OXCT1: variants seen among roughly 807,000 people sequenced by gnomAD.
OXCT1 encodes succinyl-CoA:3-ketoacid coenzyme A transferase 1, mitochondrial.
Under a neutral mutation model 69.6 loss-of-function variants are expected in OXCT1, and 27 were observed. The ratio of observed to expected loss-of-function variants is 0.39; its 90% confidence interval spans 0.29 to 0.54. The LOEUF (loss-of-function observed/expected upper bound fraction) is 0.54, where lower values mean the gene tolerates loss of function less well. Among genes scored for constraint, OXCT1 ranks in the 20% least tolerant of loss-of-function variants. The pLI is 0.72. For synonymous variants in OXCT1, 202 were observed against 217.8 expected (o/e 0.93, Z 0.64); for missense variants, 437 against 650.2 (o/e 0.67, Z 3.57).
chr5:41,860,210 C>T (rs979319377), intron 3 of OXCT1, among the ~76,000 whole-genome samples: 1 of 151,868 alleles, frequency 6.6e-6, no homozygotes, highest in African/African-American at 2.4e-5. Flanking sequence ...TTCTACAATC[C>T]CATTCCCCTC....
chr5:41,746,388 A>C (rs1438258895), intron 15 of OXCT1, among the ~76,000 whole-genome samples: 6 of 151,970 alleles, frequency 3.9e-5, no homozygotes, highest in South Asian at 2.1e-4. Context: ...ACTGAATGGA[A>C]TTTTCTCTGG....
At chr5:41,815,939 T>C (rs1579798385) in intron 7 of OXCT1, among the ~76,000 whole-genome samples, 1 of 152,074 alleles carries the variant, frequency 6.6e-6, no homozygotes, top group Non-Finnish European at 1.5e-5. Flanking sequence ...CTAAGACTAT[T>C]TGAGGCTGTT....
rs758756744 is a variant in OXCT1, at chr5:41,840,553, G to A, written c.672-42C>T. 52 of 1,252,268 alleles carry A rather than the reference G, an allele frequency of 4.2e-5. 1 individual carries two copies. Among genetic ancestry groups the A allele is most frequent in the South Asian group, 3.8e-4 (31 of 81,296 alleles). The allele number at this position is 1,252,268 out of a possible 1,614,324, so 77.6% of individuals were successfully genotyped here. ...GATAAGAAAGTGGGGGGGAAAAGAC[G>A]AAAAATAAGCATCTCTGTCACCTTT... On this transcript the variant is annotated intron_variant, in intron 6 of 16. Coordinates refer to ENST00000196371, the MANE Select transcript of OXCT1 (RefSeq NM_000436.4).
At chr5:41,756,069 T>C (rs1203288173) in intron 14 of OXCT1, among the ~76,000 whole-genome samples, 1 of 152,026 alleles carries the variant, frequency 6.6e-6, no homozygotes, top group Admixed American at 6.6e-5. Context: ...AAACACAAGG[T>C]TTATTCTTTC....
intron 12 of OXCT1, chr5:41,794,449 G>A: frequency 1.6e-6 from 1 of 606,434 alleles, no homozygotes; most frequent in Non-Finnish European, 2.9e-6. Context: ...CAGTATGGTT[G>A]GCACAAAGGC....
intron 3 of OXCT1, among the ~76,000 whole-genome samples, chr5:41,858,549 G>C (rs1166326344): frequency 6.6e-6 from 1 of 152,042 alleles, no homozygotes; most frequent in African/African-American, 2.4e-5. Flanking sequence ...AACAAACCTG[G>C]GTTTCAAACA....
rs773479814 is a variant in OXCT1 at position 41,870,261 on chromosome 5, C to A, written c.78+20G>T. On this transcript the variant is annotated intron_variant, in intron 1 of 16. Coordinates refer to ENST00000196371, the MANE Select transcript of OXCT1 (RefSeq NM_000436.4). This position sits in a 1 kb window ranked among gnomAD's most constrained non-coding sequence, Gnocchi z 4.2. ...CCACGTTCTTCCTGCCCATGGCCTT[C>A]CTCTTCCCCCGCACTTTACCTTGTA... is the stretch of plus-strand genomic sequence containing the variant. The A allele has an allele frequency of 6.2e-7, 1 of 1,604,586 alleles. No homozygotes were observed. The highest frequency in any genetic ancestry group is 1.1e-5 in the South Asian group (1 of 90,802).
intron 14 of OXCT1, among the ~76,000 whole-genome samples, chr5:41,758,247 T>G (rs935829757): frequency 6.6e-6 from 1 of 152,022 alleles, no homozygotes; most frequent in South Asian, 2.1e-4. Context: ...TTGGGCCAAA[T>G]AAGCAGAACA....
chr5:41,746,607 C>T (rs1743506362), intron 15 of OXCT1, among the ~76,000 whole-genome samples: 1 of 152,034 alleles, frequency 6.6e-6, no homozygotes, highest in Admixed American at 6.6e-5. Context: ...TCTTGCTATA[C>T]ATCTATAATT....
At position 41,793,850 on chromosome 5, in the gene OXCT1, A is replaced by G. The variant is rs112202156; in HGVS notation, c.1248+153T>C. On this transcript the variant is annotated intron_variant, in intron 13 of 16. Transcript: ENST00000196371. ...AAATTGGCAAAGCTGAATACTTCTC[A>G]GTGCTTACTTAATTAAAATTTGATT... Among the ~76,000 whole-genome samples, 754 of 152,290 alleles carry G rather than the reference A, an allele frequency of 5.0e-3. 8 individuals carry two copies. The highest frequency in any genetic ancestry group is 0.017 in the African/African-American group (706 of 41,558).
In OXCT1 at chr5:41,806,557, CAGG is replaced by C. The variant is rs548813568; in HGVS notation, c.840+771_840+773del. ...GGCTTAGTGCCATCCCTTGGAAATG[CAGG>C]AGTTCTCCCTCTGTTCGTTTACACA... On this transcript the variant is annotated intron_variant, in intron 8 of 16. Coordinates refer to ENST00000196371, the MANE Select transcript of OXCT1 (RefSeq NM_000436.4). Among the ~76,000 whole-genome samples, 783 of 152,186 alleles carry C rather than the reference CAGG, an allele frequency of 5.1e-3. 1 individual carries two copies. The highest frequency in any genetic ancestry group is 8.4e-3 in the Admixed American group (129 of 15,282).
At chr5:41,743,308 C>T (rs1249710240) in intron 15 of OXCT1, among the ~76,000 whole-genome samples, 1 of 152,072 alleles carries the variant, frequency 6.6e-6, no homozygotes, top group Non-Finnish European at 1.5e-5. Context: ...TATCCTTTAC[C>T]CACTTTTTGA....
At chr5:41,761,661 T>A (rs189319069) in intron 14 of OXCT1, among the ~76,000 whole-genome samples, 1 of 152,232 alleles carries the variant, frequency 6.6e-6, no homozygotes, top group Admixed American at 6.5e-5. Flanking sequence ...ATACGGCACC[T>A]CACAGCTTTG....
In OXCT1 at chr5:41,807,450, G is replaced by T; in HGVS notation, c.733-12C>A. The T allele has an allele frequency of 6.7e-7, 1 of 1,491,914 alleles. No individual in the cohort carries two copies. Among genetic ancestry groups the T allele is most frequent in the Non-Finnish European group, 9.3e-7 (1 of 1,070,448 alleles). The allele number at this position is 1,491,914 out of a possible 1,614,324, so 92.4% of individuals were successfully genotyped here. On this transcript the variant is annotated splice_polypyrimidine_tract_variant and intron_variant, in intron 7 of 16. Coordinates refer to ENST00000196371, the MANE Select transcript of OXCT1 (RefSeq NM_000436.4). ...ACAATTTCTTCAACCTAGACAAAGA[G>T]AAATTTCTTTCAAAGTTAGTGAAAG...
At position 41,794,753 on chromosome 5, in the gene OXCT1, A is replaced by AAC. The variant is rs765464027; in HGVS notation, c.1100-6_1100-5dup. On this transcript the variant is annotated splice_region_variant and splice_polypyrimidine_tract_variant and intron_variant, in intron 11 of 16. Transcript: ENST00000196371. ...AGAATAGTAACTGTTTCCTTGCCTA[A>AAC]ACACACACACACACAAAAGAAAGAA... 5.3e-5 allele frequency: 85 copies of AAC among 1,603,556 alleles called. No homozygotes were observed. The highest frequency in any genetic ancestry group is 6.2e-5 in the Non-Finnish European group (73 of 1,172,672).
At chr5:41,742,787 A>G (rs1013304536) in intron 15 of OXCT1, among the ~76,000 whole-genome samples, 3 of 152,110 alleles carry the variant, frequency 2.0e-5, no homozygotes, top group African/African-American at 7.2e-5. Context: ...CTTCATCCAT[A>G]TCCCTACAAA....
chr5:41,803,187 C>A, intron 9 of OXCT1, 24 bp from the exon 10 acceptor site: 1 of 1,469,044 alleles, frequency 6.8e-7, no homozygotes, highest in South Asian at 1.1e-5. Context: ...ATGTTAAGGT[C>A]CAGCATATAA....
rs1469417142 is a variant in OXCT1, at chr5:41,794,758, A to G, written c.1100-9T>C. 2.5e-6 allele frequency: 4 copies of G among 1,612,552 alleles called. No homozygotes were observed. Among genetic ancestry groups the G allele is most frequent in the Non-Finnish European group, 3.4e-6 (4 of 1,179,550 alleles). On this transcript the variant is annotated splice_polypyrimidine_tract_variant and intron_variant, in intron 11 of 16. Transcript: ENST00000196371. ...AGTAACTGTTTCCTTGCCTAAACAC[A>G]CACACACACAAAAGAAAGAAAAGGC... is the stretch of plus-strand genomic sequence containing the variant.
chr5:41,807,504 A>G (rs889653198), intron 7 of OXCT1, 66 bp from the exon 8 acceptor site: 2 of 880,174 alleles, frequency 2.3e-6, no homozygotes, highest in Non-Finnish European at 3.8e-6. Context: ...AATTTTTTAA[A>G]AAGTATACAC....
Sources: gnomAD v4.1 joint callset for allele counts (sites outside exome capture counted in the v4.1 genomes callset) on GRCh38, gnomAD v4.1.1 for gene constraint, Gnocchi (gnomAD v3.1) non-coding constraint, MANE v1.5 for transcripts, NCBI Gene and HGNC (gene_info 2026-07-23, HGNC 2026-07-21) for gene names.